RUNDC3B: variants seen among roughly 807,000 people sequenced by gnomAD.
RUNDC3B encodes RUN domain containing 3B, also known as RUN domain-containing protein 3B.
A neutral mutation model predicts 58.4 loss-of-function variants in RUNDC3B; 33 were observed. The observed-to-expected ratio is 0.56, with a 90% CI of 0.43 to 0.75. RUNDC3B has a LOEUF of 0.75. RUNDC3B is among the 30% of genes least tolerant of loss of function. The pLI is 0.00. For synonymous variants in RUNDC3B, 193 were observed against 195.2 expected, an observed-to-expected ratio of 0.99 and a Z score of 0.10; for missense variants, 501 against 535.7, an observed-to-expected ratio of 0.94 and a Z score of 0.64.
At chr7:87,711,401 T>C (rs952913328) in intron 4 of RUNDC3B, among the ~76,000 whole-genome samples, 5 of 151,940 alleles carry the variant, frequency 3.3e-5, no homozygotes, top group African/African-American at 7.2e-5. Flanking sequence ...CTTATCTTTT[T>C]AGAACAATCT....
intron 7 of RUNDC3B, among the ~76,000 whole-genome samples, chr7:87,772,683 G>T (rs1325266635): frequency 6.6e-6 from 1 of 152,006 alleles, no homozygotes; most frequent in African/African-American, 2.4e-5. Context: ...AAGCTTGATC[G>T]ATATAATAGA....
chr7:87,705,058 A>T (rs143123765), intron 3 of RUNDC3B, among the ~76,000 whole-genome samples: 7 of 152,354 alleles, frequency 4.6e-5, no homozygotes, highest in Non-Finnish European at 1.0e-4. Context: ...TATCACAATT[A>T]TCTGTCCTGA....
rs71117546 is a variant in RUNDC3B at position 87,628,584 on chromosome 7, CGTGTGTGT to C, written c.-206_-199del. 0.15 allele frequency: 43,343 copies of C among 289,248 alleles called. 2,096 individuals carry two copies. The highest frequency in any genetic ancestry group is 0.19 in the African/African-American group (7,754 of 41,674). 17.9% of individuals were successfully genotyped at this position (289,248 alleles called of 1,614,324 possible). A position where few individuals can be genotyped will look rare whatever the true frequency, so the allele number is the denominator to read the frequency against. On this transcript the variant is annotated 5_prime_UTR_variant, in exon 1 of 11. Transcript: ENST00000394654. Reference sequence around the variant, plus strand: ...CGAGGGCGGAGGTGGTGCGTGCGTGCGTGTGTGTGTGTGTGTGTGTGTGTGTGTGTGTG... The same window carrying C: ...CGAGGGCGGAGGTGGTGCGTGCGTGCGTGTGTGTGTGTGTGTGTGTGTGTG...
intron 4 of RUNDC3B, among the ~76,000 whole-genome samples, chr7:87,738,925 A>G (rs1832151956): frequency 6.6e-6 from 1 of 151,908 alleles, no homozygotes; most frequent in African/African-American, 2.4e-5. Context: ...AAAATGTTTC[A>G]TTTTAGTTAA....
At chr7:87,781,936 A>G (rs571462743) in intron 8 of RUNDC3B, among the ~76,000 whole-genome samples, 3 of 151,938 alleles carry the variant, frequency 2.0e-5, no homozygotes, top group Admixed American at 1.3e-4. Context: ...ATACTGGCCT[A>G]TAGTTTTCTT....
At chr7:87,681,481 T>C (rs1158697363) in intron 2 of RUNDC3B, among the ~76,000 whole-genome samples, 2 of 150,762 alleles carry the variant, frequency 1.3e-5, no homozygotes, top group Non-Finnish European at 2.9e-5. Context: ...GTTTCCCCAG[T>C]GCGTATTAAA....
intron 8 of RUNDC3B, 84 bp downstream of exon 8, chr7:87,778,039 C>T (rs1834736052): frequency 3.5e-6 from 4 of 1,158,648 alleles, no homozygotes; most frequent in East Asian, 4.9e-5. Flanking sequence ...AGGCAAATTC[C>T]AAGAAATCTT....
At chr7:87,742,824 C>T (rs565717478) in intron 6 of RUNDC3B, among the ~76,000 whole-genome samples, 45 of 152,056 alleles carry the variant, frequency 3.0e-4, no homozygotes, top group Non-Finnish European at 4.7e-4. Context: ...GAAAATTTAG[C>T]GAACTAAGGC....
chr7:87,716,369 C>A (rs1830555211), intron 4 of RUNDC3B, among the ~76,000 whole-genome samples: 1 of 152,164 alleles, frequency 6.6e-6, no homozygotes, highest in African/African-American at 2.4e-5. Context: ...TTTACAAAAA[C>A]TTTTGAATTC....
At chr7:87,641,753 TTTG>T (rs1325939868) in intron 1 of RUNDC3B, among the ~76,000 whole-genome samples, 2 of 152,206 alleles carry the variant, frequency 1.3e-5, no homozygotes, top group Non-Finnish European at 2.9e-5. Flanking sequence ...ATGCCCACAT[TTTG>T]TTGTTTTAGC....
At chr7:87,691,834 T>G (rs1828043344) in intron 2 of RUNDC3B, among the ~76,000 whole-genome samples, 2 of 152,164 alleles carry the variant, frequency 1.3e-5, no homozygotes, top group Non-Finnish European at 2.9e-5. Context: ...AAGGAGTAGG[T>G]CAGCTTGAAG....
chr7:87,700,718 T>A, intron 3 of RUNDC3B, 164 bp downstream of exon 3: 1 of 624,496 alleles, frequency 1.6e-6, no homozygotes, highest in Non-Finnish European at 2.6e-6. Flanking sequence ...TTATCTAAAC[T>A]AGTGGCTCTC....
At chr7:87,792,256 A>G (rs967398450) in intron 8 of RUNDC3B, among the ~76,000 whole-genome samples, 3 of 152,142 alleles carry the variant, frequency 2.0e-5, no homozygotes, top group Non-Finnish European at 4.4e-5. Flanking sequence ...ATCTGAATAC[A>G]ATAATAGCTG....
At chr7:87,669,865 G>A (rs1357093211) in intron 2 of RUNDC3B, among the ~76,000 whole-genome samples, 2 of 152,118 alleles carry the variant, frequency 1.3e-5, no homozygotes, top group African/African-American at 4.8e-5. Flanking sequence ...AGTTCCTTTT[G>A]TAGGTCATGT....
chr7:87,628,621 GT>G lies in RUNDC3B; in HGVS notation c.-202del. ...TGTGTGTGTGTGTGTGTGTGTGTGT[GT>G]GTGGAGCTCGGGTGCCAAGGGCGAG... On this transcript the variant is annotated 5_prime_UTR_variant, in exon 1 of 11. Transcript: ENST00000394654. 8.8e-5 allele frequency: 27 copies of G among 307,328 alleles called. No homozygotes were observed. The highest frequency in any genetic ancestry group is 1.4e-4 in the Non-Finnish European group (25 of 173,250). 19.0% of individuals were successfully genotyped at this position (307,328 alleles called of 1,614,324 possible). A position where few individuals can be genotyped will look rare whatever the true frequency, so the allele number is the denominator to read the frequency against.
At chr7:87,656,046 G>C (rs1824069413) in intron 2 of RUNDC3B, among the ~76,000 whole-genome samples, 1 of 151,910 alleles carries the variant, frequency 6.6e-6, no homozygotes, top group South Asian at 2.1e-4. Flanking sequence ...TTTGATCTTG[G>C]ACTTCCCAGC....
intron 4 of RUNDC3B, 32 bp from the exon 5 acceptor site, chr7:87,739,759 T>C: frequency 1.0e-6 from 1 of 999,944 alleles, no homozygotes. Flanking sequence ...TTATTTTTAA[T>C]ATTTTATATA....
chr7:87,775,850 A>G (rs939275371), intron 7 of RUNDC3B, among the ~76,000 whole-genome samples: 6 of 152,178 alleles, frequency 3.9e-5, no homozygotes, highest in Non-Finnish European at 4.4e-5. Context: ...TAGACTCTGT[A>G]ATGTTCATAG....
intron 2 of RUNDC3B, among the ~76,000 whole-genome samples, chr7:87,668,929 T>C (rs1825548108): frequency 6.6e-6 from 1 of 152,146 alleles, no homozygotes; most frequent in African/African-American, 2.4e-5. Flanking sequence ...TGCCATGTGG[T>C]GAGGAGAAGA....
Sources: allele counts gnomAD v4.1 joint callset (sites outside exome capture counted in the v4.1 genomes callset), GRCh38; gene constraint gnomAD v4.1.1; transcripts MANE v1.5; gene names NCBI Gene and HGNC (gene_info 2026-07-23, HGNC 2026-07-21).